Variants in NBPF3 observed in about 807,000 individuals in gnomAD.
The protein encoded by NBPF3 is NBPF family member NBPF3.
NBPF3 carries 57 observed loss-of-function variants against 78.1 expected under a neutral mutation model. The observed-to-expected ratio is 0.73, with a 90% CI of 0.59 to 0.91. The LOEUF (loss-of-function observed/expected upper bound fraction) is 0.91. NBPF3 is among the 40% of genes least tolerant of loss of function. NBPF3 has a pLI of 0.00. For missense variants in NBPF3, 510 were observed against 715.3 expected, an observed-to-expected ratio of 0.71 and a Z score of 3.27; for synonymous variants, 182 against 271.7, an observed-to-expected ratio of 0.67 and a Z score of 3.25.
intron 3 of NBPF3, 31 bp downstream of exon 3, chr1:21,468,928 C>A: frequency 6.6e-7 from 1 of 1,512,444 alleles, no homozygotes; most frequent in Non-Finnish European, 9.1e-7. Flanking sequence ...ATCACAAAAG[C>A]GATGAATGAT....
intron 2 of NBPF3, among the ~76,000 whole-genome samples, chr1:21,459,109 A>G (rs1641801286): frequency 1.3e-5 from 2 of 152,234 alleles, no homozygotes; most frequent in Admixed American, 6.5e-5. Context: ...AGAGAAATAT[A>G]TATCATGTTC....
At chr1:21,442,321 T>TC (rs2147887820) in intron 1 of NBPF3, 1 of 152,204 alleles carries the variant, frequency 6.6e-6, no homozygotes, top group South Asian at 2.1e-4. Flanking sequence ...GCTCAGATGA[T>TC]CCCCCTGCCT....
intron 2 of NBPF3, among the ~76,000 whole-genome samples, chr1:21,459,350 G>C (rs1186178617): frequency 1.3e-5 from 2 of 152,222 alleles, no homozygotes; most frequent in African/African-American, 4.8e-5. Context: ...TAGTACTGGT[G>C]TAAGTATTCA....
chr1:21,436,846 G>C, upstream of NBPF3: 1 of 859,460 alleles, frequency 1.2e-6, no homozygotes, highest in Non-Finnish European at 1.6e-6. The surrounding 1 kb of genome is among the most constrained non-coding windows in gnomAD (Gnocchi z 4.3). Flanking sequence ...TGCAGCCAGA[G>C]GCCCGGGGGG....
chr1:21,471,812 A>T, intron 5 of NBPF3, 29 bp downstream of exon 5: 1 of 1,610,620 alleles, frequency 6.2e-7, no homozygotes. Context: ...CTGATGACCC[A>T]AAACCCCAGG....
chr1:21,449,773 C>T (rs1162543521), intron 2 of NBPF3: 1 of 185,470 alleles, frequency 5.4e-6, no homozygotes, highest in African/African-American at 2.4e-5. Context: ...CTGACCTGAA[C>T]CATTTTTATT....
At chr1:21,472,100 C>T (rs1302021629) in intron 5 of NBPF3, among the ~76,000 whole-genome samples, 1 of 152,166 alleles carries the variant, frequency 6.6e-6, no homozygotes, top group Non-Finnish European at 1.5e-5. Flanking sequence ...GTGAAAAGAG[C>T]TCTGGACTCA....
intron 4 of NBPF3, 149 bp from the exon 5 acceptor site, chr1:21,471,420 C>A: frequency 7.5e-7 from 1 of 1,334,032 alleles, no homozygotes; most frequent in Non-Finnish European, 1.0e-6. Flanking sequence ...TATTCTTTCT[C>A]TTGGGCACAG....
At chr1:21,451,953 G>A in intron 2 of NBPF3, 1 of 551,598 alleles carries the variant, frequency 1.8e-6, no homozygotes, top group Non-Finnish European at 2.3e-6. Context: ...GATGCCACCA[G>A]TAGTTTTTCC....
chr1:21,480,169 A>ATTCT lies in NBPF3; in HGVS notation c.1327_1328insTTCT (p.Ser443IlefsTer3), dbSNP rs765565197. ...GCCTGACTTATGCCAGCCCTACAGA[A>ATTCT]GTGACTTTTACTCATTGCAGGAACA... On this transcript the variant is annotated frameshift_variant, in exon 11 of 15. Coordinates refer to ENST00000318249, the MANE Select transcript of NBPF3 (RefSeq NM_032264.6). LOFTEE classifies it high-confidence loss of function. The ATTCT allele has an allele frequency of 1.6e-6, 2 of 1,218,624 alleles. No individual in the cohort carries two copies. The highest frequency in any genetic ancestry group is 2.8e-5 in the African/African-American group (2 of 71,002). 75.5% of individuals were successfully genotyped at this position (1,218,624 alleles called of 1,614,324 possible). A position where few individuals can be genotyped will look rare whatever the true frequency, so the allele number is the denominator to read the frequency against.
chr1:21,439,106 G>A (rs1197190226), upstream of NBPF3, among the ~76,000 whole-genome samples: 1 of 152,136 alleles, frequency 6.6e-6, no homozygotes, highest in South Asian at 2.1e-4. Flanking sequence ...TTGGCACGTG[G>A]CTGGCACGTG....
Position 21,476,157 on chromosome 1 carries a change from T to C in NBPF3, c.992+1206T>C, listed in dbSNP as rs1396330460. ...TTCCTCCATCCCTTTATTTTGAGCC[T>C]ATGTGTGTCTCTGCACGTGAGATGG... is the stretch of plus-strand genomic sequence containing the variant. On this transcript the variant is annotated intron_variant, in intron 8 of 14. Coordinates refer to ENST00000318249, the MANE Select transcript of NBPF3 (RefSeq NM_032264.6). This position sits in a 1 kb window ranked among gnomAD's most constrained non-coding sequence, Gnocchi z 4.1. 6.6e-6 allele frequency among the ~76,000 whole-genome samples: 1 copy of C among 152,174 alleles called. No homozygotes were observed.
intron 3 of NBPF3, among the ~76,000 whole-genome samples, chr1:21,469,225 A>G (rs1323640174): frequency 3.9e-5 from 6 of 152,200 alleles, no homozygotes; most frequent in African/African-American, 1.4e-4. Flanking sequence ...GATCCGGCAG[A>G]CAAATAACAT....
At chr1:21,455,589 T>G (rs576066691) in intron 2 of NBPF3, among the ~76,000 whole-genome samples, 12 of 152,336 alleles carry the variant, frequency 7.9e-5, no homozygotes, top group Middle Eastern at 6.8e-3. Context: ...GGGGAGAATT[T>G]CTCAGCAGCT....
intron 3 of NBPF3, 88 bp downstream of exon 3, chr1:21,468,985 A>G: frequency 1.9e-6 from 2 of 1,064,974 alleles, no homozygotes; most frequent in South Asian, 2.9e-5. Flanking sequence ...CATCAAAAAT[A>G]AGTTCAACCC....
chr1:21,441,137 CT>C (rs1209533228), intron 1 of NBPF3, among the ~76,000 whole-genome samples: 2 of 152,166 alleles, frequency 1.3e-5, no homozygotes, highest in Non-Finnish European at 2.9e-5. Flanking sequence ...GGTACCTTTT[CT>C]TTGGGTTACG....
intron 7 of NBPF3, among the ~76,000 whole-genome samples, chr1:21,474,334 G>A (rs141548758): frequency 0.03 from 4,539 of 151,908 alleles, 93 homozygotes; most frequent in Non-Finnish European, 0.045. Context: ...CTCCTGAGTC[G>A]CTGGTACCAC....
At chr1:21,459,513 C>G (rs1641827950) in intron 2 of NBPF3, among the ~76,000 whole-genome samples, 1 of 152,128 alleles carries the variant, frequency 6.6e-6, no homozygotes, top group East Asian at 1.9e-4. Flanking sequence ...AGGTGTCTGT[C>G]CATCTATCCC....
intron 1 of NBPF3, among the ~76,000 whole-genome samples, chr1:21,441,983 G>A (rs1396387526): frequency 6.6e-6 from 1 of 152,082 alleles, no homozygotes; most frequent in African/African-American, 2.4e-5. Flanking sequence ...ATATCAGTGT[G>A]GTTTCATTGA....
Sources: allele counts gnomAD v4.1 joint callset (sites outside exome capture counted in the v4.1 genomes callset), GRCh38; gene constraint gnomAD v4.1.1; non-coding constraint Gnocchi (gnomAD v3.1); transcripts MANE v1.5; gene names NCBI Gene and HGNC (gene_info 2026-07-23, HGNC 2026-07-21).